Variants in SDK1 observed in about 807,000 individuals in gnomAD.
SDK1 encodes sidekick cell adhesion molecule 1, also known as protein sidekick-1.
Under a neutral mutation model 245.5 loss-of-function variants are expected in SDK1, and 157 were observed. That is an observed-to-expected ratio of 0.64 (90% CI 0.56 to 0.73). SDK1 has a LOEUF of 0.73. SDK1 is among the 30% of genes least tolerant of loss of function. The pLI is 0.00. For synonymous variants in SDK1, 1,647 were observed against 1,278.5 expected, an observed-to-expected ratio of 1.29 and a Z score of -6.15; for missense variants, 3,583 against 3,002.3, an observed-to-expected ratio of 1.19 and a Z score of -4.52.
intron 14 of SDK1, among the ~76,000 whole-genome samples, chr7:4,005,393 A>AGTGTGTGTGTGTGTGTGTGTGT (rs71032920): frequency 7.7e-6 from 1 of 129,818 alleles, no homozygotes; most frequent in Non-Finnish European, 1.6e-5. Context: ...TTCTTATGTG[A>AGTGTGTGTGTGTGTGTGTGTGT]GTGTGTGTGT....
In SDK1 at chr7:3,854,321, A is replaced by C. The variant is rs368395475; in HGVS notation, c.847+32738A>C. Among the ~76,000 whole-genome samples the C allele has an allele frequency of 1.7e-3, 266 of 152,304 alleles. 2 individuals carry two copies. Among genetic ancestry groups the C allele is most frequent in the Non-Finnish European group, 2.6e-3 (178 of 68,020 alleles). On this transcript the variant is annotated intron_variant, in intron 5 of 44. Transcript: ENST00000404826. ...CTGCAGACCTTAGATGCCTTATCTG[A>C]AAATATAAATAATTAATGTAACAAT...
intron 1 of SDK1, among the ~76,000 whole-genome samples, chr7:3,400,549 A>G (rs1028945188): frequency 6.6e-6 from 1 of 152,212 alleles, no homozygotes; most frequent in African/African-American, 2.4e-5. Flanking sequence ...ACATAAAAAT[A>G]TACACAGTAT....
intron 1 of SDK1, among the ~76,000 whole-genome samples, chr7:3,359,304 G>C (rs564535205): frequency 2.0e-5 from 3 of 152,106 alleles, no homozygotes; most frequent in Non-Finnish European, 4.4e-5. Flanking sequence ...GAGGAATCTG[G>C]GTCCTGGAAT....
At chr7:3,783,576 G>A (rs1340798688) in intron 4 of SDK1, among the ~76,000 whole-genome samples, 1 of 151,698 alleles carries the variant, frequency 6.6e-6, no homozygotes, top group Admixed American at 6.6e-5. Context: ...TGCAAACAAT[G>A]AACTATCTAA....
At chr7:3,754,882 G>C (rs1255139384) in intron 4 of SDK1, among the ~76,000 whole-genome samples, 1 of 152,146 alleles carries the variant, frequency 6.6e-6, no homozygotes, top group Non-Finnish European at 1.5e-5. Context: ...GCAGCACAGG[G>C]GCCTTCACCA....
chr7:3,552,204 A>AT (rs1779440726), intron 1 of SDK1, among the ~76,000 whole-genome samples: 1 of 151,976 alleles, frequency 6.6e-6, no homozygotes, highest in African/African-American at 2.4e-5. Flanking sequence ...AGCCTGGCTA[A>AT]TTTTTTGTAT....
rs371541591 is a variant in SDK1, at chr7:4,130,015, C to T, written c.4047C>T (p.Tyr1349=). Residue 1349 remains tyrosine, a synonymous_variant, in exon 27 of 45, where the codon TAC becomes TAT. Transcript: ENST00000404826. ...CAGGCCTGCGCAAGTTCGTGCTCTA[C>T]GAGCTCCAGGTGCTGGCGTTCACCC... is the stretch of plus-strand genomic sequence containing the variant. ...LLAGLRKFVL[Y]ELQVLAFTRI... 28 of 1,613,596 alleles carry T rather than the reference C, an allele frequency of 1.7e-5. No homozygotes were observed. Among genetic ancestry groups the T allele is most frequent in the Middle Eastern group, 1.7e-4 (1 of 6,054 alleles).
chr7:4,041,913 G>C (rs59763818), intron 17 of SDK1, among the ~76,000 whole-genome samples: 14,404 of 133,546 alleles, frequency 0.11, 4,742 homozygotes, highest in African/African-American at 0.39. Context: ...TCCCAGGTTC[G>C]AGCAATACTC....
intron 36 of SDK1, among the ~76,000 whole-genome samples, chr7:4,206,269 C>G (rs1311039862): frequency 6.6e-6 from 1 of 152,234 alleles, no homozygotes; most frequent in African/African-American, 2.4e-5. Context: ...ACTGGCTTCT[C>G]CCCACTCTGG....
At chr7:3,912,984 A>T (rs1779231223) in intron 5 of SDK1, among the ~76,000 whole-genome samples, 1 of 152,248 alleles carries the variant, frequency 6.6e-6, no homozygotes, top group Non-Finnish European at 1.5e-5. Flanking sequence ...CAAGATGTGG[A>T]TCAGGCTCTT....
chr7:4,259,882 G>T (rs996091038), intron 44 of SDK1, among the ~76,000 whole-genome samples: 1 of 152,182 alleles, frequency 6.6e-6, no homozygotes, highest in Admixed American at 6.5e-5. Context: ...GGGAGCTCAG[G>T]TGCAGGCTCC....
intron 1 of SDK1, among the ~76,000 whole-genome samples, chr7:3,340,760 C>A (rs1390194564): frequency 9.0e-6 from 1 of 111,682 alleles, no homozygotes; most frequent in East Asian, 2.5e-4. Flanking sequence ...GAGCAAGACC[C>A]CGTCTCAAAA....
chr7:4,224,607 A>G (rs1351082830), intron 40 of SDK1, among the ~76,000 whole-genome samples: 2 of 152,206 alleles, frequency 1.3e-5, no homozygotes, highest in East Asian at 3.9e-4. Flanking sequence ...TATCACCAGT[A>G]GAATTGGTTT....
At chr7:3,792,123 C>T (rs1781113736) in intron 4 of SDK1, among the ~76,000 whole-genome samples, 1 of 152,032 alleles carries the variant, frequency 6.6e-6, no homozygotes, top group South Asian at 2.1e-4. Flanking sequence ...ACGAGACCCC[C>T]TTCCTAAATA....
rs376608111 is a variant in SDK1, at chr7:4,114,260, G to A, written c.3809G>A (p.Arg1270Gln). ...AGPWSEVVRG[R>Q]TRESVPSAAP... ...CCGTGGAGCGAGGTGGTGCGGGGCC[G>A]GACGCGGGAGTCAGGTGAGGGGAAG... The change falls in exon 25 of 45, where the codon CGG becomes CAG. Residue 1270 changes from arginine to glutamine, a missense_variant. Arg to Gln is a conservative substitution (Grantham distance 43). Coordinates refer to ENST00000404826, the MANE Select transcript of SDK1 (RefSeq NM_152744.4). The A allele has an allele frequency of 1.7e-5, 27 of 1,604,104 alleles. No homozygotes were observed. Among genetic ancestry groups the A allele is most frequent in the East Asian group, 2.2e-5 (1 of 44,532 alleles).
At chr7:3,984,972 G>A (rs1208265236) in intron 13 of SDK1, among the ~76,000 whole-genome samples, 3 of 152,102 alleles carry the variant, frequency 2.0e-5, no homozygotes, top group Admixed American at 2.0e-4. Context: ...CACTCTCACC[G>A]ACCCCAAGCC....
chr7:3,938,452 C>T (rs73296614), intron 5 of SDK1, among the ~76,000 whole-genome samples: 3,992 of 151,994 alleles, frequency 0.026, 201 homozygotes, highest in African/African-American at 0.091. Flanking sequence ...ACTAACCTGG[C>T]GAACACGGTG....
intron 6 of SDK1, among the ~76,000 whole-genome samples, 191 bp from the exon 7 acceptor site, chr7:3,951,539 G>T (rs1292892145): frequency 6.6e-6 from 1 of 152,218 alleles, no homozygotes; most frequent in Admixed American, 6.5e-5. Flanking sequence ...CCCTTGAGCA[G>T]AATGCATCGT....
rs117732729 is a variant in SDK1, at chr7:3,671,179, A to G, written c.713+29074A>G. On this transcript the variant is annotated intron_variant, in intron 4 of 44. Coordinates refer to ENST00000404826, the MANE Select transcript of SDK1 (RefSeq NM_152744.4). ...TATTTAGAGGAGACAAGAAACACTG[A>G]ACAGGATCTGGTTTGGACTTCGTGT... Among the ~76,000 whole-genome samples the G allele has an allele frequency of 2.0e-3, 302 of 152,306 alleles. 5 individuals carry two copies. In the East Asian group the frequency reaches 0.046, roughly 23 times the overall value.
Sources: gnomAD v4.1 joint callset for allele counts (sites outside exome capture counted in the v4.1 genomes callset) on GRCh38, gnomAD v4.1.1 for gene constraint, MANE v1.5 for transcripts, NCBI Gene and HGNC (gene_info 2026-07-23, HGNC 2026-07-21) for gene names.